Variants in MRTFB observed in about 807,000 individuals in gnomAD.
MRTFB encodes the protein myocardin-related transcription factor B.
Under a neutral mutation model 104.2 loss-of-function variants are expected in MRTFB, and 29 were observed. The observed-to-expected ratio is 0.28, with a 90% CI of 0.21 to 0.38. The LOEUF is 0.38. Among genes scored for constraint, MRTFB ranks in the 10% least tolerant of loss-of-function variants. The pLI, the probability that MRTFB is intolerant of heterozygous loss-of-function variation, is 1.00. For synonymous variants in MRTFB, 535 were observed against 519.5 expected, an observed-to-expected ratio of 1.03 and a Z score of -0.41; for missense variants, 1,270 against 1,341.6, an observed-to-expected ratio of 0.95 and a Z score of 0.83.
the MRTFB span, among the ~76,000 whole-genome samples, chr16:14,035,907 C>A: frequency 6.6e-6 from 1 of 151,476 alleles, no homozygotes; most frequent in Non-Finnish European, 1.5e-5. Context: ...GTCCCCAAGG[C>A]CCACTGTGTC....
At chr16:14,240,576 A>G (rs1354885430) in intron 10 of MRTFB, 92 bp downstream of exon 10, 1 of 1,580,596 alleles carries the variant, frequency 6.3e-7, no homozygotes. Flanking sequence ...GTTGTCATTT[A>G]TTTGTGCTCA....
chr16:14,037,447 A>C, the MRTFB span, among the ~76,000 whole-genome samples: 1 of 152,208 alleles, frequency 6.6e-6, no homozygotes, highest in African/African-American at 2.4e-5. Context: ...AGGCAGCTGG[A>C]CATGTGGGTG....
rs1437057248 is a variant in MRTFB at position 14,265,352 on chromosome 16, T to A, written c.*3908T>A. 2 of 152,134 alleles carry A rather than the reference T, an allele frequency of 1.3e-5. No individual in the cohort carries two copies. The highest frequency in any genetic ancestry group is 2.9e-5 in the Non-Finnish European group (2 of 68,032). The allele number at this position is 152,134 out of a possible 1,614,324, so 9.4% of individuals were successfully genotyped here. A position where few individuals can be genotyped will look rare whatever the true frequency, so the allele number is the denominator to read the frequency against. On this transcript the variant is annotated 3_prime_UTR_variant, in exon 17 of 17. Coordinates refer to ENST00000571589, the MANE Select transcript of MRTFB (RefSeq NM_001308142.2). ...CCCACCGCCCTAGAGGCCACAGAAT[T>A]AGCCCAAAATTATCAAAGAACATTA...
intron 2 of MRTFB, among the ~76,000 whole-genome samples, chr16:14,118,063 C>T (rs1292596384): frequency 1.3e-5 from 2 of 150,632 alleles, no homozygotes; most frequent in Non-Finnish European, 3.0e-5. Flanking sequence ...TAGAATAGAA[C>T]ATTGCACATA....
At chr16:13,997,006 T>G in the MRTFB span, among the ~76,000 whole-genome samples, 4 of 152,226 alleles carry the variant, frequency 2.6e-5, no homozygotes, top group Non-Finnish European at 5.9e-5. Context: ...CTTTCGGGTT[T>G]GCAGTGGACA....
At chr16:14,206,601 A>C (rs942843425) in intron 3 of MRTFB, among the ~76,000 whole-genome samples, 2 of 152,218 alleles carry the variant, frequency 1.3e-5, no homozygotes, top group Non-Finnish European at 2.9e-5. Flanking sequence ...TCTGTTGCCC[A>C]GGCTTGAGTG....
chr16:14,024,246 A>AT, the MRTFB span, among the ~76,000 whole-genome samples: 1 of 152,160 alleles, frequency 6.6e-6, no homozygotes, highest in Non-Finnish European at 1.5e-5. Context: ...CATCAGAGCT[A>AT]TTTTGTTGAA....
chr16:14,141,115 T>C (rs2037976218), intron 3 of MRTFB: 1 of 197,956 alleles, frequency 5.1e-6, no homozygotes, highest in African/African-American at 2.3e-5. Context: ...CTCCTCCCAC[T>C]TTCTCCATCT....
At chr16:14,186,925 G>C (rs2039974426) in intron 3 of MRTFB, 1 of 1,598,160 alleles carries the variant, frequency 6.3e-7, no homozygotes, top group East Asian at 2.2e-5. Context: ...ATGATCGATA[G>C]CTCCAAGAAG....
intron 1 of MRTFB, among the ~76,000 whole-genome samples, chr16:14,078,089 C>T (rs553783678): frequency 6.6e-6 from 1 of 152,124 alleles, no homozygotes; most frequent in East Asian, 1.9e-4. Flanking sequence ...TTCCTCCCAC[C>T]CAGAATATAG....
chr16:14,131,367 A>G (rs1310352506), intron 2 of MRTFB, among the ~76,000 whole-genome samples: 4 of 152,216 alleles, frequency 2.6e-5, no homozygotes, highest in African/African-American at 9.6e-5. Context: ...TTGTGAGTAG[A>G]TGCAAAAGTT....
In MRTFB at chr16:14,261,647, A is replaced by C. The variant is rs1317403923; in HGVS notation, c.*203A>C. The C allele has an allele frequency of 3.9e-6, 2 of 514,776 alleles. No individual in the cohort carries two copies. Among genetic ancestry groups the C allele is most frequent in the Non-Finnish European group, 6.7e-6 (2 of 300,136 alleles). The allele number at this position is 514,776 out of a possible 1,614,324, so 31.9% of individuals were successfully genotyped here. A position where few individuals can be genotyped will look rare whatever the true frequency, so the allele number is the denominator to read the frequency against. Reference sequence around the variant, plus strand: ...GTAGTGAATTTCTACAGTTTAACATAGCACAGGGCCTTCTGAAAATCGCAC... The same window carrying C: ...GTAGTGAATTTCTACAGTTTAACATCGCACAGGGCCTTCTGAAAATCGCAC... On this transcript the variant is annotated 3_prime_UTR_variant, in exon 17 of 17. Transcript: ENST00000571589.
chr16:14,253,588 G>A (rs113035383), intron 15 of MRTFB, among the ~76,000 whole-genome samples: 120 of 152,274 alleles, frequency 7.9e-4, no homozygotes, highest in African/African-American at 2.8e-3. Flanking sequence ...TCATGCCTAC[G>A]CTTCCTTGAC....
chr16:14,199,672 C>G (rs2040596772), intron 3 of MRTFB, among the ~76,000 whole-genome samples: 2 of 152,352 alleles, frequency 1.3e-5, no homozygotes, highest in East Asian at 3.9e-4. Context: ...CAAATCTATT[C>G]ATTACATCTC....
At chr16:14,200,484 T>C in intron 3 of MRTFB, 2 of 1,610,650 alleles carry the variant, frequency 1.2e-6, no homozygotes, top group Non-Finnish European at 1.7e-6. Flanking sequence ...CACTTATTCT[T>C]TCGAGTCAGT....
intron 3 of MRTFB, among the ~76,000 whole-genome samples, chr16:14,210,039 G>C (rs879280209): frequency 2.6e-5 from 4 of 152,158 alleles, no homozygotes; most frequent in Admixed American, 2.6e-4. Context: ...AATTTATACT[G>C]TGTAAACTTT....
At chr16:14,021,104 G>C in the MRTFB span, 1 of 152,234 alleles carries the variant, frequency 6.6e-6, no homozygotes, top group African/African-American at 2.4e-5. Flanking sequence ...ACTAACACCA[G>C]CTTAAGATGA....
At chr16:14,200,599 C>T in intron 3 of MRTFB, 2 of 1,593,186 alleles carry the variant, frequency 1.3e-6, no homozygotes, top group Non-Finnish European at 1.7e-6. Context: ...TGAAGAATAT[C>T]ACAGGTAGAC....
intron 8 of MRTFB, among the ~76,000 whole-genome samples, chr16:14,229,186 A>T (rs1191779442): frequency 6.6e-6 from 1 of 152,244 alleles, no homozygotes; most frequent in African/African-American, 2.4e-5. Flanking sequence ...CTGTGCAAGG[A>T]AATTCACTTT....
Sources: gnomAD v4.1 joint callset for allele counts (sites outside exome capture counted in the v4.1 genomes callset) on GRCh38, gnomAD v4.1.1 for gene constraint, MANE v1.5 for transcripts, NCBI Gene and HGNC (gene_info 2026-07-23, HGNC 2026-07-21) for gene names.